KHDRBS1: variants seen among roughly 807,000 people sequenced by gnomAD.
KHDRBS1 encodes KH domain-containing, RNA-binding, signal transduction-associated protein 1.
KHDRBS1 carries 7 observed loss-of-function variants against 48.4 expected under a neutral mutation model. That is an observed-to-expected ratio of 0.14 (90% CI 0.08 to 0.27). The LOEUF (loss-of-function observed/expected upper bound fraction) is 0.27. KHDRBS1 is among the 10% of genes least tolerant of loss of function. The probability of loss-of-function intolerance (pLI) is 1.00; values close to 1 mark genes in which losing one functional copy is unlikely to be tolerated. For synonymous variants in KHDRBS1, 241 were observed against 235.8 expected (o/e 1.02, Z -0.20); for missense variants, 458 against 601.2 (o/e 0.76, Z 2.49).
At chr1:32,014,588 A>C (rs796937071) in intron 1 of KHDRBS1, among the ~76,000 whole-genome samples, 9 of 152,262 alleles carry the variant, frequency 5.9e-5, no homozygotes, top group African/African-American at 2.2e-4. Context: ...CCCGAAGGCG[A>C]CTTTGCGATC....
At chr1:32,020,722 T>C (rs1298951025) in intron 1 of KHDRBS1, among the ~76,000 whole-genome samples, 1 of 152,120 alleles carries the variant, frequency 6.6e-6, no homozygotes, top group Non-Finnish European at 1.5e-5. Flanking sequence ...ACATACTATA[T>C]GATTTCATTA....
downstream of KHDRBS1, among the ~76,000 whole-genome samples, chr1:32,048,439 G>A (rs75007894): frequency 8.7e-3 from 1,330 of 152,312 alleles, 11 homozygotes; most frequent in Non-Finnish European, 0.014. Context: ...GAGTCGAGGA[G>A]TTCAAGGTTA....
chr1:32,024,384 C>T (rs1212508793), intron 1 of KHDRBS1, among the ~76,000 whole-genome samples: 4 of 152,116 alleles, frequency 2.6e-5, no homozygotes, highest in Non-Finnish European at 5.9e-5. Context: ...CATTATGGCT[C>T]ACCACAGCCT....
In KHDRBS1 at chr1:32,042,632, CAT is replaced by C; in HGVS notation, c.*9_*10del. 1.3e-6 allele frequency: 2 copies of C among 1,545,102 alleles called. No homozygotes were observed. The highest frequency in any genetic ancestry group is 8.9e-7 in the Non-Finnish European group (1 of 1,117,820). On this transcript the variant is annotated 3_prime_UTR_variant, in exon 9 of 9. Coordinates refer to ENST00000327300, the MANE Select transcript of KHDRBS1 (RefSeq NM_006559.3). ...CCATATGGACGTTATTAAAAACAAA[CAT>C]GAGGGGAAAATATCAGTTATGAGCA...
At chr1:32,049,808 C>T (rs1168518097) in intron 10 of KHDRBS1, among the ~76,000 whole-genome samples, 8 of 151,868 alleles carry the variant, frequency 5.3e-5, no homozygotes, top group South Asian at 2.1e-4. Context: ...AATATAGGCA[C>T]GTGCCACCAC....
At chr1:32,028,794 C>T (rs1205594451) in intron 1 of KHDRBS1, among the ~76,000 whole-genome samples, 7 of 151,276 alleles carry the variant, frequency 4.6e-5, no homozygotes, top group Non-Finnish European at 8.8e-5. Flanking sequence ...CGTGAGCCAC[C>T]GCACCTGGCC....
rs766909339 is a variant in KHDRBS1, at chr1:32,039,496, C to G, written c.1176-19C>G. ...ATAGTTACTCTGTAGCTTCCTAACA[C>G]TCTGCCTTTGGCTTTCAGGGACTCA... On this transcript the variant is annotated intron_variant, in intron 7 of 8. Coordinates refer to ENST00000327300, the MANE Select transcript of KHDRBS1 (RefSeq NM_006559.3). 6 of 1,227,654 alleles carry G rather than the reference C, an allele frequency of 4.9e-6. No individual in the cohort carries two copies. The allele number at this position is 1,227,654 out of a possible 1,614,324, so 76.0% of individuals were successfully genotyped here.
At position 32,031,571 on chromosome 1, in the gene KHDRBS1, A is replaced by C; in HGVS notation, c.555A>C (p.Lys185Asn). Residue 185 changes from lysine (K) to asparagine (N), a missense_variant, in exon 3 of 9, where the codon AAA becomes AAC. Physicochemically the swap from Lys to Asn is moderately conservative, Grantham distance 94 (BLOSUM62 0). Around this residue, in one of 3 missense-constraint regions of KHDRBS1, gnomAD observed 74 missense variants for 156.9 expected, o/e 0.47. Coordinates refer to ENST00000327300, the MANE Select transcript of KHDRBS1 (RefSeq NM_006559.3). ...KILGPQGNTI[K>N]RLQEETGAKI... ...TTGGACCACAAGGGAATACAATCAA[A>C]AGACTGCAGGAAGAGACTGGTGCAA... The C allele has an allele frequency of 6.2e-7, 1 of 1,611,444 alleles. No individual in the cohort carries two copies. The highest frequency in any genetic ancestry group is 8.5e-7 in the Non-Finnish European group (1 of 1,179,244).
intron 3 of KHDRBS1, among the ~76,000 whole-genome samples, chr1:32,032,948 A>G (rs1286658574): frequency 6.6e-6 from 1 of 152,190 alleles, no homozygotes; most frequent in Non-Finnish European, 1.5e-5. Context: ...TCAGTCTCCC[A>G]AAGTCCTGGG....
At chr1:32,056,551 G>C (rs1639481883) in intron 10 of KHDRBS1, among the ~76,000 whole-genome samples, 1 of 152,130 alleles carries the variant, frequency 6.6e-6, no homozygotes, top group Non-Finnish European at 1.5e-5. Context: ...GTGAAAACTT[G>C]AGATAGAAGA....
exon 11 of KHDRBS1, chr1:32,060,817 C>G (rs1374009319): frequency 6.6e-6 from 1 of 152,168 alleles, no homozygotes; most frequent in Non-Finnish European, 1.5e-5. Flanking sequence ...AAATATCTGC[C>G]CCTGAGGACC....
At chr1:32,036,128 GA>G (rs2124382725) in intron 4 of KHDRBS1, among the ~76,000 whole-genome samples, 1 of 149,826 alleles carries the variant, frequency 6.7e-6, no homozygotes, top group South Asian at 2.1e-4. Context: ...GTAAAATGTG[GA>G]GATCTGCCTA....
At chr1:32,014,463 C>T (rs1638694338) in intron 1 of KHDRBS1, 86 bp downstream of exon 1, 2 of 1,224,124 alleles carry the variant, frequency 1.6e-6, no homozygotes, top group African/African-American at 1.6e-5. Flanking sequence ...CTTCCCGCCC[C>T]CTCGGGACCG....
intron 3 of KHDRBS1, among the ~76,000 whole-genome samples, chr1:32,031,879 A>G (rs1417761110): frequency 6.6e-6 from 1 of 152,192 alleles, no homozygotes; most frequent in African/African-American, 2.4e-5. Flanking sequence ...CTGTGTAGTA[A>G]TGGAAACAGC....
chr1:32,030,933 C>T (rs1426704762), intron 2 of KHDRBS1, among the ~76,000 whole-genome samples: 1 of 151,630 alleles, frequency 6.6e-6, no homozygotes, highest in Non-Finnish European at 1.5e-5. Context: ...TCTGAGGTCA[C>T]TGCCTTAAAA....
chr1:32,020,326 T>C (rs901262408), intron 1 of KHDRBS1, among the ~76,000 whole-genome samples: 5 of 151,864 alleles, frequency 3.3e-5, no homozygotes, highest in Non-Finnish European at 7.4e-5. Context: ...GGTCTTAGGC[T>C]GAGGTGGAAG....
At position 32,038,578 on chromosome 1, in the gene KHDRBS1, A is replaced by G. The variant is rs780852557; in HGVS notation, c.1134A>G (p.Gln378=). Residue 378 remains glutamine (Q), a synonymous_variant, in exon 7 of 9, where the codon CAA becomes CAG. Coordinates refer to ENST00000327300, the MANE Select transcript of KHDRBS1 (RefSeq NM_006559.3). ...EYGYDDTYAE[Q]SYEGYEGYYS... ...GATATGATGATACATACGCAGAACA[A>G]AGTTACGAAGGCTACGAAGGCTATT... 5.0e-6 allele frequency: 8 copies of G among 1,613,876 alleles called. No individual in the cohort carries two copies. The African/African-American group carries it at 1.1e-4, about 22-fold the overall frequency.
chr1:32,056,662 G>A (rs1179597966), intron 10 of KHDRBS1, among the ~76,000 whole-genome samples: 1 of 152,182 alleles, frequency 6.6e-6, no homozygotes, highest in Non-Finnish European at 1.5e-5. Flanking sequence ...TAAGATGGTT[G>A]CTCCTCAGGT....
chr1:32,038,505 C>CT (rs1557896950), intron 6 of KHDRBS1, 47 bp from the exon 7 acceptor site: 2 of 1,584,324 alleles, frequency 1.3e-6, no homozygotes, highest in South Asian at 2.2e-5. Context: ...TTCCTACTCT[C>CT]TATGATTTTG....
Sources: allele counts gnomAD v4.1 joint callset (sites outside exome capture counted in the v4.1 genomes callset), GRCh38; gene constraint gnomAD v4.1.1; regional missense constraint gnomAD v4.1.1; transcripts MANE v1.5; gene names NCBI Gene and HGNC (gene_info 2026-07-23, HGNC 2026-07-21).